CFAP46: variants seen among roughly 807,000 people sequenced by gnomAD.
CFAP46 encodes the protein cilia and flagella associated protein 46.
Under a neutral mutation model 325.7 loss-of-function variants are expected in CFAP46, and 245 were observed. The ratio of observed to expected loss-of-function variants is 0.75; its 90% confidence interval spans 0.68 to 0.84. The LOEUF is 0.84. Among genes scored for constraint, CFAP46 ranks in the 40% least tolerant of loss-of-function variants. The pLI is 0.00. For missense variants in CFAP46, 3,346 were observed against 3,543.0 expected (o/e 0.94, Z 1.41); for synonymous variants, 1,523 against 1,495.9 (o/e 1.02, Z -0.42).
chr10:132,900,351 G>A (rs989708511), intron 22 of CFAP46, among the ~76,000 whole-genome samples: 2 of 152,232 alleles, frequency 1.3e-5, no homozygotes, highest in South Asian at 2.1e-4. Context: ...CTGGACGTTC[G>A]CTGCTCCAGG....
Position 132,832,179 on chromosome 10 carries a change from C to T in CFAP46, c.7117+1179G>A, listed in dbSNP as rs921818772. Among the ~76,000 whole-genome samples the T allele has an allele frequency of 3.3e-5, 5 of 152,108 alleles. No individual in the cohort carries two copies. Among genetic ancestry groups the T allele is most frequent in the Admixed American group, 1.3e-4 (2 of 15,262 alleles). On this transcript the variant is annotated intron_variant, in intron 50 of 57. Coordinates refer to ENST00000368586, the MANE Select transcript of CFAP46 (RefSeq NM_001200049.3). The surrounding 1 kb of genome is among the most constrained non-coding windows in gnomAD (Gnocchi z 4.1). ...AAATAAAGGCGTTTTAAGTATTTAT[C>T]CGTGTTTTCACTATTTTCAGAGCTG...
In CFAP46 at chr10:132,814,222, T is replaced by A. The variant is rs1266308221; in HGVS notation, c.7318A>T (p.Ile2440Phe). The A allele has an allele frequency of 6.2e-7, 1 of 1,613,928 alleles. No individual in the cohort carries two copies. The highest frequency in any genetic ancestry group is 8.5e-7 in the Non-Finnish European group (1 of 1,179,966). ...MLTPVSITQD[I>F]LERFQDTFTS... ...AATGTGTCTTGGAATCTTTCCAAAATGTCTTGGGTGATGGAGACAGGAGTT... is the reference window on the plus strand; with the variant it reads ...AATGTGTCTTGGAATCTTTCCAAAAAGTCTTGGGTGATGGAGACAGGAGTT... Residue 2440 changes from isoleucine (I) to phenylalanine (F), a missense_variant, in exon 54 of 58, where the codon ATT becomes TTT. Physicochemically the swap from Ile to Phe is conservative, Grantham distance 21. Transcript: ENST00000368586.
chr10:132,925,001 G>T, intron 10 of CFAP46, 115 bp from the exon 11 acceptor site: 1 of 808,670 alleles, frequency 1.2e-6, no homozygotes, highest in Non-Finnish European at 1.8e-6. Context: ...ATCACCCTGC[G>T]TGGCGTCATG....
chr10:132,942,387 G>A, intron 1 of CFAP46, 49 bp downstream of exon 1: 1 of 1,354,496 alleles, frequency 7.4e-7, no homozygotes. Flanking sequence ...GGGTCGTGGC[G>A]GGTCCCGGGG....
chr10:132,859,318 C>A lies in CFAP46; in HGVS notation c.5199-71G>T, dbSNP rs879122533. On this transcript the variant is annotated intron_variant, in intron 37 of 57. Coordinates refer to ENST00000368586, the MANE Select transcript of CFAP46 (RefSeq NM_001200049.3). The stretch of plus-strand genomic sequence containing the variant: ...CGCGTCAGGGCTTGCGGCTGGGCTG[C>A]CGCTGTTCTCCCCGGTGTTCATCCA... 26 of 1,347,510 alleles carry A rather than the reference C, an allele frequency of 1.9e-5. No individual in the cohort carries two copies. In the South Asian group the frequency reaches 3.2e-4, roughly 17 times the overall value. 83.5% of individuals were successfully genotyped at this position (1,347,510 alleles called of 1,614,324 possible).
In CFAP46 at chr10:132,869,250, G is replaced by T; in HGVS notation, c.4610+24C>A. ...CAAGGGCGAGACTCAAACCCCAGGCGGCGCAGGGTGGGACGGCACACACCT... is the reference window on the plus strand; with the variant it reads ...CAAGGGCGAGACTCAAACCCCAGGCTGCGCAGGGTGGGACGGCACACACCT... On this transcript the variant is annotated intron_variant, in intron 33 of 57. Transcript: ENST00000368586. This position sits in a 1 kb window ranked among gnomAD's most constrained non-coding sequence, Gnocchi z 6.2. 1 of 1,496,450 alleles carries T rather than the reference G, an allele frequency of 6.7e-7. No homozygotes were observed. Among genetic ancestry groups the T allele is most frequent in the Non-Finnish European group, 9.0e-7 (1 of 1,116,262 alleles). 92.7% of individuals were successfully genotyped at this position (1,496,450 alleles called of 1,614,324 possible).
At chr10:132,912,345 C>T in intron 19 of CFAP46, among the ~76,000 whole-genome samples, 1 of 139,752 alleles carries the variant, frequency 7.2e-6, no homozygotes, top group Non-Finnish European at 1.5e-5. Flanking sequence ...TCTCTCCTGT[C>T]TCTTCTCCTC....
Position 132,922,436 on chromosome 10 carries a change from T to C in CFAP46, c.1485+44A>G, listed in dbSNP as rs1294104979. 4 of 1,503,776 alleles carry C rather than the reference T, an allele frequency of 2.7e-6. No individual in the cohort carries two copies. In the Admixed American group the frequency reaches 8.2e-5, roughly 31 times the overall value. The allele number at this position is 1,503,776 out of a possible 1,614,324, so 93.2% of individuals were successfully genotyped here. A position where few individuals can be genotyped will look rare whatever the true frequency, so the allele number is the denominator to read the frequency against. ...TCAGAGCCCCGCCCCGGCCCCATGC[T>C]GGGGCTGCAGCACCCAGCCTCCCTC... On this transcript the variant is annotated intron_variant, in intron 12 of 57. Transcript: ENST00000368586.
rs144775645 is a variant in CFAP46 at position 132,818,989 on chromosome 10, ATAAAT to A, written c.7118-4080_7118-4076del. The stretch of plus-strand genomic sequence containing the variant: ...CTCTACCAAAAAACTGTTAGAACTA[ATAAAT>A]TAAGTAAAGTTGAAAGACACAAAAT... On this transcript the variant is annotated intron_variant, in intron 50 of 57. Transcript: ENST00000368586. Among the ~76,000 whole-genome samples the A allele has an allele frequency of 3.8e-3, 582 of 152,256 alleles. 7 individuals are homozygous for A. The South Asian group carries it at 0.061, about 16-fold the overall frequency.
Position 132,827,778 on chromosome 10 carries a change from G to T in CFAP46, c.7117+5580C>A, listed in dbSNP as rs1848083116. Among the ~76,000 whole-genome samples, 2 of 148,282 alleles carry T rather than the reference G, an allele frequency of 1.3e-5. No individual in the cohort carries two copies. Among genetic ancestry groups the T allele is most frequent in the South Asian group, 2.1e-4 (1 of 4,666 alleles). ...CGACCCTCCCCCAACTTCTCCTGCAGCCCCAGCCCCCACCCCCAGGAAGCA... is the reference window on the plus strand; with the variant it reads ...CGACCCTCCCCCAACTTCTCCTGCATCCCCAGCCCCCACCCCCAGGAAGCA... On this transcript the variant is annotated intron_variant, in intron 50 of 57. Coordinates refer to ENST00000368586, the MANE Select transcript of CFAP46 (RefSeq NM_001200049.3). The surrounding 1 kb of genome is among the most constrained non-coding windows in gnomAD (Gnocchi z 5.7).
chr10:132,908,284 G>A (rs555475779), intron 22 of CFAP46, 184 bp downstream of exon 22: 104 of 682,782 alleles, frequency 1.5e-4, no homozygotes, highest in South Asian at 1.5e-3. Context: ...CTCCCTGCCC[G>A]TTTTGGGGAC....
intron 50 of CFAP46, among the ~76,000 whole-genome samples, chr10:132,825,313 C>T (rs1250904989): frequency 6.6e-6 from 1 of 150,520 alleles, no homozygotes; most frequent in African/African-American, 2.4e-5. Flanking sequence ...CTGATGTGTG[C>T]CGTGTGCACT....
intron 8 of CFAP46, 57 bp downstream of exon 8, chr10:132,934,695 G>A (rs1849964544): frequency 1.7e-6 from 2 of 1,207,858 alleles, no homozygotes; most frequent in Non-Finnish European, 1.2e-6. Context: ...TTCAGTGCCT[G>A]CTAAATTTTG....
chr10:132,885,449 G>A (rs1449227994), intron 26 of CFAP46, among the ~76,000 whole-genome samples, 163 bp from the exon 27 acceptor site: 4 of 151,708 alleles, frequency 2.6e-5, no homozygotes, highest in South Asian at 2.1e-4. Flanking sequence ...GGTCTCGGGG[G>A]TGAGCGGGGG....
intron 25 of CFAP46, among the ~76,000 whole-genome samples, chr10:132,888,314 CA>C: frequency 8.2e-6 from 1 of 121,592 alleles, no homozygotes; most frequent in African/African-American, 4.9e-5. Flanking sequence ...GTACCCCTGC[CA>C]CCTTCACCCC....
intron 44 of CFAP46, among the ~76,000 whole-genome samples, chr10:132,840,792 T>C (rs1220178368): frequency 1.3e-5 from 2 of 152,198 alleles, no homozygotes; most frequent in Non-Finnish European, 2.9e-5. Context: ...TCACCGTGGT[T>C]GGAAAACACG....
At chr10:132,874,936 GA>G (rs1364755051) in intron 31 of CFAP46, among the ~76,000 whole-genome samples, 7 of 152,054 alleles carry the variant, frequency 4.6e-5, no homozygotes, top group African/African-American at 1.7e-4. Flanking sequence ...GCAAGGTAAA[GA>G]AAAAACAGTG....
At chr10:132,810,567 T>G (rs765081727) in intron 56 of CFAP46, 78 bp from the exon 57 acceptor site, 1 of 1,294,648 alleles carries the variant, frequency 7.7e-7, no homozygotes, top group Non-Finnish European at 1.1e-6. Flanking sequence ...AGGCCCGGGA[T>G]GCCAGGGGCC....
At chr10:132,917,189 G>A (rs1849653574) in intron 16 of CFAP46, among the ~76,000 whole-genome samples, 1 of 152,236 alleles carries the variant, frequency 6.6e-6, no homozygotes, top group Non-Finnish European at 1.5e-5. Context: ...TGAGGGCATG[G>A]GCCTGGCACC....
Sources: gnomAD v4.1 joint callset for allele counts (sites outside exome capture counted in the v4.1 genomes callset) on GRCh38, gnomAD v4.1.1 for gene constraint, Gnocchi (gnomAD v3.1) non-coding constraint, MANE v1.5 for transcripts, NCBI Gene and HGNC (gene_info 2026-07-23, HGNC 2026-07-21) for gene names.